The following RBCK1 variants were observed in gnomAD, a reference collection of about 807,000 sequenced individuals.
The protein encoded by RBCK1 is RANBP2-type and C3HC4-type zinc finger containing 1, also known as ranBP-type and C3HC4-type zinc finger-containing protein 1.
In RBCK1, 44 loss-of-function variants were observed where a neutral mutation model predicts 71.1. That is an observed-to-expected ratio of 0.62 (90% CI 0.49 to 0.80). The LOEUF (loss-of-function observed/expected upper bound fraction) is 0.80. RBCK1 is among the 30% of genes least tolerant of loss of function. The probability of loss-of-function intolerance (pLI) is 0.00; values close to 1 mark genes in which losing one functional copy is unlikely to be tolerated. For synonymous variants in RBCK1, 306 were observed against 279.7 expected, an observed-to-expected ratio of 1.09 and a Z score of -0.94; for missense variants, 569 against 685.0, an observed-to-expected ratio of 0.83 and a Z score of 1.89.
intron 4 of RBCK1, among the ~76,000 whole-genome samples, chr20:418,415 C>T (rs1374045631): frequency 6.6e-6 from 1 of 152,090 alleles, no homozygotes; most frequent in East Asian, 1.9e-4. Flanking sequence ...GTCGCCCAGG[C>T]TGGAGTGCAG....
chr20:419,487 CA>C lies in RBCK1; in HGVS notation c.582+20del. The C allele has an allele frequency of 6.2e-7, 1 of 1,604,578 alleles. No individual in the cohort carries two copies. Among genetic ancestry groups the C allele is most frequent in the Non-Finnish European group, 8.5e-7 (1 of 1,175,426 alleles). On this transcript the variant is annotated intron_variant, in intron 5 of 11. Transcript: ENST00000356286. The stretch of plus-strand genomic sequence containing the variant: ...CCCACCGGTAAGCTGTCCTTGGCCT[CA>C]GTATCCTCTTCTGTGCCCCTCCCTT...
chr20:429,576 T>A (rs991204488), intron 11 of RBCK1, among the ~76,000 whole-genome samples: 3 of 152,206 alleles, frequency 2.0e-5, no homozygotes, highest in African/African-American at 4.8e-5. Flanking sequence ...AGATGACTAT[T>A]TTGTGACGTG....
Position 417,724 on chromosome 20 carries a change from C to G in RBCK1, c.262-8C>G. ...CCTTCCCACTCTCCCTCTCTTTGCC[C>G]CCACCAGGTTTTTCTGGACTATGGC... On this transcript the variant is annotated splice_polypyrimidine_tract_variant and splice_region_variant and intron_variant, in intron 3 of 11. Coordinates refer to ENST00000356286, the MANE Select transcript of RBCK1 (RefSeq NM_031229.4). This position sits in a 1 kb window ranked among gnomAD's most constrained non-coding sequence, Gnocchi z 4.7. 16 of 1,610,132 alleles carry G rather than the reference C, an allele frequency of 9.9e-6. No homozygotes were observed. Among genetic ancestry groups the G allele is most frequent in the Non-Finnish European group, 1.4e-5 (16 of 1,176,638 alleles).
rs2016873843 is a variant in RBCK1, at chr20:428,913, C to T, written c.1309-38C>T. The T allele has an allele frequency of 6.4e-7, 1 of 1,574,584 alleles. No individual in the cohort carries two copies. The highest frequency in any genetic ancestry group is 8.6e-7 in the Non-Finnish European group (1 of 1,165,494). On this transcript the variant is annotated intron_variant, in intron 10 of 11. Transcript: ENST00000356286. The surrounding 1 kb of genome is among the most constrained non-coding windows in gnomAD (Gnocchi z 5.7). Reference sequence around the variant, plus strand: ...GGAGGGGCCAGGCTGGGTGACTGCCCCAGCCCCGCCCCAGGGCCAGCACCT... The same window carrying T: ...GGAGGGGCCAGGCTGGGTGACTGCCTCAGCCCCGCCCCAGGGCCAGCACCT...
chr20:428,035 G>A lies in RBCK1; in HGVS notation c.1210-456G>A, dbSNP rs928074437. ...TGATCCTTCCCCCAGGCCTGTCCCCGCCGCTTCATCTCAAAAGTTGAAGGT... is the reference window on the plus strand; with the variant it reads ...TGATCCTTCCCCCAGGCCTGTCCCCACCGCTTCATCTCAAAAGTTGAAGGT... On this transcript the variant is annotated intron_variant, in intron 9 of 11. Transcript: ENST00000356286. This position sits in a 1 kb window ranked among gnomAD's most constrained non-coding sequence, Gnocchi z 5.7. Among the ~76,000 whole-genome samples, 3 of 152,092 alleles carry A rather than the reference G, an allele frequency of 2.0e-5. No individual in the cohort carries two copies. Among genetic ancestry groups the A allele is most frequent in the Non-Finnish European group, 4.4e-5 (3 of 68,016 alleles).
chr20:429,454 G>A (rs915755509), intron 11 of RBCK1, among the ~76,000 whole-genome samples: 2 of 152,054 alleles, frequency 1.3e-5, no homozygotes, highest in African/African-American at 4.8e-5. Flanking sequence ...TCAAATTCCC[G>A]ACCGCAGGTG....
chr20:421,836 A>G (rs2016456270), intron 7 of RBCK1: 3 of 407,830 alleles, frequency 7.4e-6, no homozygotes, highest in South Asian at 3.6e-5. Context: ...CTGTTCTGAG[A>G]TAGACTCTAG....
chr20:420,777 C>T, intron 6 of RBCK1, 94 bp from the exon 7 acceptor site: 1 of 1,054,118 alleles, frequency 9.5e-7, no homozygotes, highest in Non-Finnish European at 1.3e-6. Context: ...TGGTCTGACC[C>T]AGCCCTGACC....
intron 11 of RBCK1, among the ~76,000 whole-genome samples, chr20:429,493 T>A (rs370394352): frequency 2.6e-5 from 4 of 152,286 alleles, no homozygotes; most frequent in African/African-American, 9.6e-5. Flanking sequence ...CCCAAAGTGC[T>A]AGGATTACAG....
chr20:421,270 G>A (rs1307690101), intron 7 of RBCK1, among the ~76,000 whole-genome samples: 1 of 152,196 alleles, frequency 6.6e-6, no homozygotes, highest in African/African-American at 2.4e-5. Context: ...GCAGGCGTGG[G>A]GGGAGACTCC....
rs1436206914 is a variant in RBCK1, at chr20:430,937, G to A, written c.*507G>A. ...GTCTCCCTCTCTGCAGCCTGTGTAA[G>A]CTATTATAATTAAAATGGTTTTCCG... On this transcript the variant is annotated 3_prime_UTR_variant, in exon 12 of 12. Coordinates refer to ENST00000356286, the MANE Select transcript of RBCK1 (RefSeq NM_031229.4). The surrounding 1 kb of genome is among the most constrained non-coding windows in gnomAD (Gnocchi z 5.6). The A allele has an allele frequency of 6.4e-6, 1 of 157,050 alleles. No individual in the cohort carries two copies. The highest frequency in any genetic ancestry group is 6.3e-5 in the Admixed American group (1 of 15,964). The allele number at this position is 157,050 out of a possible 1,614,324, so 9.7% of individuals were successfully genotyped here.
chr20:419,685 G>T lies in RBCK1; in HGVS notation c.710G>T (p.Arg237Leu). The T allele has an allele frequency of 6.3e-7, 1 of 1,576,948 alleles. No homozygotes were observed. The highest frequency in any genetic ancestry group is 8.6e-7 in the Non-Finnish European group (1 of 1,164,474). ...PASYQPDEEE[R>L]ARLAGEEEAL... ...TCATACCAGCCCGACGAGGAGGAGC[G>T]AGCGCGCCTGGCGGGCGAGGAGGAG... The change falls in exon 6 of 12, where the codon CGA becomes CTA. Residue 237 changes from arginine (R) to leucine (L), a missense_variant. Around this residue, in one of 2 missense-constraint regions of RBCK1, gnomAD observed 358 missense variants for 375.6 expected, o/e 0.95. Transcript: ENST00000356286.
intron 4 of RBCK1, among the ~76,000 whole-genome samples, chr20:418,658 A>T (rs6107294): frequency 6.6e-6 from 1 of 152,090 alleles, no homozygotes; most frequent in Non-Finnish European, 1.5e-5. Context: ...GTGAGCCACC[A>T]CGCCCAACCC....
chr20:418,041 G>C (rs1279229142), intron 4 of RBCK1, 111 bp downstream of exon 4: 19 of 1,103,420 alleles, frequency 1.7e-5, no homozygotes, highest in Non-Finnish European at 2.3e-5. Context: ...GACTCACCCA[G>C]AGGACCCTAT....
intron 8 of RBCK1, among the ~76,000 whole-genome samples, chr20:425,819 G>A (rs1010168885): frequency 6.6e-6 from 1 of 151,916 alleles, no homozygotes; most frequent in Non-Finnish European, 1.5e-5. Context: ...TAGAGATGGG[G>A]TTTCACTATG....
intron 4 of RBCK1, among the ~76,000 whole-genome samples, chr20:418,454 C>T (rs977621489): frequency 2.0e-4 from 31 of 152,088 alleles, no homozygotes; most frequent in Non-Finnish European, 1.8e-4. Context: ...CTGCAAGCTC[C>T]GACTCCCGGG....
intron 11 of RBCK1, among the ~76,000 whole-genome samples, chr20:429,383 C>T (rs1016904111): frequency 4.6e-5 from 7 of 152,248 alleles, no homozygotes; most frequent in Middle Eastern, 3.4e-3. Flanking sequence ...TGCGCCACCA[C>T]GCCCGGCTAG....
intron 8 of RBCK1, among the ~76,000 whole-genome samples, chr20:426,140 G>A (rs1158281724): frequency 6.6e-6 from 1 of 152,156 alleles, no homozygotes; most frequent in African/African-American, 2.4e-5. Context: ...TTTGATACAG[G>A]CATGCAATGC....
In RBCK1 at chr20:429,051, C is replaced by T; in HGVS notation, c.1409C>T (p.Thr470Ile). The change falls in exon 11 of 12, where the codon ACC (threonine) becomes ATC (isoleucine). Residue 470 changes from threonine to isoleucine, a missense_variant. By Grantham distance (89) the Thr-to-Ile change is moderately conservative. Around this residue, in one of 2 missense-constraint regions of RBCK1, gnomAD observed 211 missense variants for 309.4 expected, o/e 0.68. Coordinates refer to ENST00000356286, the MANE Select transcript of RBCK1 (RefSeq NM_031229.4). ...CDWIRCTVCHTEICWVTKGPR... is the reference protein window; with the variant it reads ...CDWIRCTVCHIEICWVTKGPR... Reference sequence around the variant, plus strand: ...TGGATCCGCTGCACCGTCTGCCACACCGAGATCTGCTGGGTCACCAAGGGC... The same window carrying T: ...TGGATCCGCTGCACCGTCTGCCACATCGAGATCTGCTGGGTCACCAAGGGC... 2 of 1,613,008 alleles carry T rather than the reference C, an allele frequency of 1.2e-6. No individual in the cohort carries two copies. The highest frequency in any genetic ancestry group is 2.2e-5 in the South Asian group (2 of 91,062).
Sources: allele counts gnomAD v4.1 joint callset (sites outside exome capture counted in the v4.1 genomes callset), GRCh38; gene constraint gnomAD v4.1.1; regional missense constraint gnomAD v4.1.1; non-coding constraint Gnocchi (gnomAD v3.1); transcripts MANE v1.5; gene names NCBI Gene and HGNC (gene_info 2026-07-23, HGNC 2026-07-21).